TSC1: variants seen among roughly 807,000 people sequenced by gnomAD.
The protein encoded by TSC1 is TSC complex subunit 1, also known as hamartin.
A neutral mutation model predicts 124.3 loss-of-function variants in TSC1; 20 were observed. That is an observed-to-expected ratio of 0.16 (90% CI 0.11 to 0.23). TSC1 has a LOEUF of 0.23. Among genes scored for constraint, TSC1 ranks in the 10% least tolerant of loss-of-function variants. The pLI, the probability that TSC1 is intolerant of heterozygous loss-of-function variation, is 1.00. For synonymous variants in TSC1, 493 were observed against 539.1 expected (o/e 0.91, Z 1.19); for missense variants, 1,124 against 1,448.5 (o/e 0.78, Z 3.64).
chr9:132,902,521 G>A lies in TSC1; in HGVS notation c.2391+84C>T. 1 of 1,516,882 alleles carries A rather than the reference G, an allele frequency of 6.6e-7. No individual in the cohort carries two copies. Among genetic ancestry groups the A allele is most frequent in the Non-Finnish European group, 9.1e-7 (1 of 1,094,480 alleles). 94.0% of individuals were successfully genotyped at this position (1,516,882 alleles called of 1,614,324 possible). On this transcript the variant is annotated intron_variant, in intron 18 of 22. Coordinates refer to ENST00000298552, the MANE Select transcript of TSC1 (RefSeq NM_000368.5). The surrounding 1 kb of genome is among the most constrained non-coding windows in gnomAD (Gnocchi z 5.2). ...GCTTAGTAAAGCTGAACAAGTCAAG[G>A]ACACCCAGGGAAACTGACTGCCTCC...
At chr9:132,935,755 G>A (rs1393542359) in intron 1 of TSC1, among the ~76,000 whole-genome samples, 1 of 151,968 alleles carries the variant, frequency 6.6e-6, no homozygotes, top group African/African-American at 2.4e-5. Flanking sequence ...TAAGCCACAT[G>A]CTCCCCATTC....
chr9:132,904,375 TG>T, intron 16 of TSC1, 35 bp downstream of exon 16: 1 of 1,612,688 alleles, frequency 6.2e-7, no homozygotes, highest in Non-Finnish European at 8.5e-7. Context: ...GCAGGAACCA[TG>T]TGGGCTGGAT....
chr9:132,906,312 G>A lies in TSC1; in HGVS notation c.1439-173C>T. 1.3e-6 allele frequency: 1 copy of A among 741,960 alleles called. No individual in the cohort carries two copies. Among genetic ancestry groups the A allele is most frequent in the East Asian group, 2.7e-5 (1 of 36,898 alleles). The allele number at this position is 741,960 out of a possible 1,614,324, so 46.0% of individuals were successfully genotyped here. A position where few individuals can be genotyped will look rare whatever the true frequency, so the allele number is the denominator to read the frequency against. On this transcript the variant is annotated intron_variant, in intron 14 of 22. Transcript: ENST00000298552. The surrounding 1 kb of genome is among the most constrained non-coding windows in gnomAD (Gnocchi z 4.1). ...TGTAATGCCAGAACTTTGGGAGGCTGAGGAGGGAGGATCACTTGAGCCCAG... is the reference window on the plus strand; with the variant it reads ...TGTAATGCCAGAACTTTGGGAGGCTAAGGAGGGAGGATCACTTGAGCCCAG...
At chr9:132,930,520 G>A (rs1281649222) in intron 2 of TSC1, among the ~76,000 whole-genome samples, 2 of 148,404 alleles carry the variant, frequency 1.3e-5, no homozygotes, top group African/African-American at 2.5e-5. Context: ...CCTGGGAGAC[G>A]GAGGTTGCAG....
At chr9:132,907,274 A>T (rs1212665815) in intron 13 of TSC1, 27 bp downstream of exon 13, 1 of 1,591,924 alleles carries the variant, frequency 6.3e-7, no homozygotes, top group Non-Finnish European at 8.6e-7. Flanking sequence ...GAGGCAAGCA[A>T]GGCCTGTAGT....
intron 2 of TSC1, among the ~76,000 whole-genome samples, chr9:132,934,080 T>G (rs1588373525): frequency 6.6e-6 from 1 of 152,178 alleles, no homozygotes; most frequent in Non-Finnish European, 1.5e-5. Flanking sequence ...AATCCCTACC[T>G]TATTTTACAA....
intron 2 of TSC1, among the ~76,000 whole-genome samples, chr9:132,931,608 A>G (rs954740955): frequency 1.2e-4 from 19 of 152,320 alleles, no homozygotes; most frequent in African/African-American, 4.6e-4. Flanking sequence ...GATTCTTCGC[A>G]TAAGTGGCTC....
Position 132,944,601 on chromosome 9 carries a change from G to C in TSC1, c.-202C>G. 2.5e-6 allele frequency: 1 copy of C among 398,904 alleles called. No homozygotes were observed. 24.7% of individuals were successfully genotyped at this position (398,904 alleles called of 1,614,324 possible). A position where few individuals can be genotyped will look rare whatever the true frequency, so the allele number is the denominator to read the frequency against. On this transcript the variant is annotated 5_prime_UTR_variant, in exon 1 of 23. Coordinates refer to ENST00000298552, the MANE Select transcript of TSC1 (RefSeq NM_000368.5). Reference sequence around the variant, plus strand: ...CAGTCCCTCCAGCCTACAGGGCGCCGCCATCTTGGACGTACAGCACCTCCC... The same window carrying C: ...CAGTCCCTCCAGCCTACAGGGCGCCCCCATCTTGGACGTACAGCACCTCCC...
intron 2 of TSC1, among the ~76,000 whole-genome samples, chr9:132,930,002 T>TGAGC (rs1341416737): frequency 6.6e-6 from 1 of 152,174 alleles, no homozygotes; most frequent in African/African-American, 2.4e-5. Context: ...TGATGTGGTG[T>TGAGC]GAGCAGGTAT....
intron 4 of TSC1, 58 bp downstream of exon 4, chr9:132,927,143 C>T: frequency 6.5e-7 from 1 of 1,542,144 alleles, no homozygotes; most frequent in Non-Finnish European, 8.9e-7. Context: ...TGGCCGTGCA[C>T]AGAAGCTGTT....
At chr9:132,919,022 G>A (rs973127581) in intron 8 of TSC1, among the ~76,000 whole-genome samples, 1 of 152,218 alleles carries the variant, frequency 6.6e-6, no homozygotes, top group African/African-American at 2.4e-5. Flanking sequence ...TGCATCATTA[G>A]GCAATTTCTT....
chr9:132,925,967 C>G (rs1846837970), intron 4 of TSC1: 2 of 571,536 alleles, frequency 3.5e-6, no homozygotes, highest in South Asian at 4.0e-5. Flanking sequence ...GAAAAAGGAC[C>G]CTACAATACA....
intron 6 of TSC1, 107 bp from the exon 7 acceptor site, chr9:132,922,080 T>C (rs1846600001): frequency 2.3e-6 from 3 of 1,309,548 alleles, no homozygotes; most frequent in East Asian, 4.7e-5. Flanking sequence ...TCTATGTATA[T>C]TCCCACCTCA....
rs962308812 is a variant in TSC1 at position 132,903,211 on chromosome 9, C to G, written c.2209-424G>C. ...AGAGCAGGTGCTGCTATTGTTATTT[C>G]CATTTTATAGCATGGCTAACAGAGG... On this transcript the variant is annotated intron_variant, in intron 17 of 22. Transcript: ENST00000298552. This position sits in a 1 kb window ranked among gnomAD's most constrained non-coding sequence, Gnocchi z 5.9. Among the ~76,000 whole-genome samples the G allele has an allele frequency of 6.6e-6, 1 of 152,170 alleles. No individual in the cohort carries two copies. Among genetic ancestry groups the G allele is most frequent in the Non-Finnish European group, 1.5e-5 (1 of 68,032 alleles).
chr9:132,908,901 C>CTTTT (rs35234317), intron 12 of TSC1, among the ~76,000 whole-genome samples: 6 of 121,522 alleles, frequency 4.9e-5, no homozygotes, highest in South Asian at 2.5e-4. Flanking sequence ...CTACCTTGCA[C>CTTTT]TTTTTTTTTT....
At chr9:132,938,681 AT>A (rs1847587973) in intron 1 of TSC1, among the ~76,000 whole-genome samples, 1 of 152,096 alleles carries the variant, frequency 6.6e-6, no homozygotes, top group African/African-American at 2.4e-5. Flanking sequence ...CCCGTACGCC[AT>A]TTTTTTCACA....
intron 12 of TSC1, among the ~76,000 whole-genome samples, chr9:132,908,556 C>T (rs1409967165): frequency 6.6e-6 from 1 of 151,512 alleles, no homozygotes; most frequent in Non-Finnish European, 1.5e-5. Context: ...GGGCTCAAGC[C>T]GTTCTCCATC....
Position 132,923,322 on chromosome 9 carries a change from C to T in TSC1, c.508+26G>A. The T allele has an allele frequency of 6.2e-7, 1 of 1,613,266 alleles. No individual in the cohort carries two copies. Among genetic ancestry groups the T allele is most frequent in the Non-Finnish European group, 8.5e-7 (1 of 1,179,376 alleles). ...ATGAAAGCATTCACCTCACAGGGCC[C>T]AACAGGTATATGAGGAGATCTGTAC... is the stretch of plus-strand genomic sequence containing the variant. On this transcript the variant is annotated intron_variant, in intron 6 of 22. Transcript: ENST00000298552. The surrounding 1 kb of genome is among the most constrained non-coding windows in gnomAD (Gnocchi z 4.2).
At chr9:132,920,572 AGGCAGTGT>A (rs1242552702) in intron 8 of TSC1, among the ~76,000 whole-genome samples, 1 of 152,108 alleles carries the variant, frequency 6.6e-6, no homozygotes, top group Non-Finnish European at 1.5e-5. Context: ...TGTGTGGTAG[AGGCAGTGT>A]CTGTGGTGAG....
Sources: allele counts gnomAD v4.1 joint callset (sites outside exome capture counted in the v4.1 genomes callset), GRCh38; gene constraint gnomAD v4.1.1; non-coding constraint Gnocchi (gnomAD v3.1); transcripts MANE v1.5; gene names NCBI Gene and HGNC (gene_info 2026-07-23, HGNC 2026-07-21).